SLC44A1: variants seen among roughly 807,000 people sequenced by gnomAD.
The protein encoded by SLC44A1 is choline transporter-like protein 1.
In SLC44A1, 26 loss-of-function variants were observed where a neutral mutation model predicts 79.3. The ratio of observed to expected loss-of-function variants is 0.33; its 90% CI spans 0.24 to 0.46. The LOEUF (loss-of-function observed/expected upper bound fraction) is 0.46. SLC44A1 is among the 20% of genes least tolerant of loss of function. The pLI, the probability that SLC44A1 is intolerant of heterozygous loss-of-function variation, is 1.00. For missense variants in SLC44A1, 688 were observed against 798.1 expected (o/e 0.86, Z 1.66); for synonymous variants, 263 against 286.2 (o/e 0.92, Z 0.82).
chr9:105,430,338 C>T (rs911114001), intron 15 of SLC44A1, among the ~76,000 whole-genome samples: 2 of 152,132 alleles, frequency 1.3e-5, no homozygotes, highest in Admixed American at 1.3e-4. Flanking sequence ...TGGTTTTTGG[C>T]AAATGCACAA....
intron 4 of SLC44A1, among the ~76,000 whole-genome samples, chr9:105,345,283 A>G (rs909738426): frequency 6.6e-6 from 1 of 152,224 alleles, no homozygotes; most frequent in Non-Finnish European, 1.5e-5. Flanking sequence ...TGAATGGTAT[A>G]GGAAAACAGT....
intron 3 of SLC44A1, 134 bp downstream of exon 3, chr9:105,310,000 A>AT (rs967296371): frequency 6.8e-5 from 61 of 897,884 alleles, no homozygotes; most frequent in African/African-American, 6.2e-4. Flanking sequence ...GGTGTGTTTG[A>AT]TTTTTTTTCA....
intron 3 of SLC44A1, among the ~76,000 whole-genome samples, chr9:105,310,219 G>A (rs553900660): frequency 6.6e-6 from 1 of 151,780 alleles, no homozygotes; most frequent in Admixed American, 6.6e-5. Context: ...CTAAGATTAT[G>A]CTTAATGGGA....
intron 1 of SLC44A1, among the ~76,000 whole-genome samples, chr9:105,277,992 A>G (rs964904742): frequency 6.6e-6 from 1 of 152,146 alleles, no homozygotes; most frequent in Non-Finnish European, 1.5e-5. Flanking sequence ...TTGGATAAAA[A>G]TTGAAAAGCT....
intron 15 of SLC44A1, among the ~76,000 whole-genome samples, chr9:105,403,525 C>T (rs1041771492): frequency 2.6e-4 from 40 of 151,518 alleles, no homozygotes; most frequent in African/African-American, 2.2e-4. Context: ...TCATTTATTT[C>T]GGATACATTC....
chr9:105,283,838 A>G (rs1413341061), intron 1 of SLC44A1, among the ~76,000 whole-genome samples: 2 of 152,026 alleles, frequency 1.3e-5, no homozygotes, highest in African/African-American at 2.4e-5. Context: ...CTATTGCTTT[A>G]TTTTTCTGTA....
intron 3 of SLC44A1, among the ~76,000 whole-genome samples, chr9:105,320,615 GCA>G (rs1018474273): frequency 1.3e-5 from 2 of 151,938 alleles, no homozygotes; most frequent in Non-Finnish European, 2.9e-5. Flanking sequence ...TCACTATGTT[GCA>G]CAGTTTGGAG....
At chr9:105,303,483 T>G (rs1830933922) in intron 2 of SLC44A1, among the ~76,000 whole-genome samples, 1 of 152,164 alleles carries the variant, frequency 6.6e-6, no homozygotes, top group Admixed American at 6.5e-5. Context: ...TACAACTTAC[T>G]TACCCTAGTA....
chr9:105,380,104 G>A (rs1270224112), intron 13 of SLC44A1, among the ~76,000 whole-genome samples: 1 of 152,152 alleles, frequency 6.6e-6, no homozygotes, highest in Admixed American at 6.5e-5. Flanking sequence ...CTTTTAGAAT[G>A]CTTATTTTAA....
At chr9:105,420,861 CAAAA>C (rs34053627) in intron 15 of SLC44A1, among the ~76,000 whole-genome samples, 2 of 12,484 alleles carry the variant, frequency 1.6e-4, no homozygotes, top group African/African-American at 4.3e-4. Flanking sequence ...AACTCCATCT[CAAAA>C]AAAAAAAAAA....
chr9:105,276,654 A>T (rs1192501783), intron 1 of SLC44A1, among the ~76,000 whole-genome samples: 1 of 147,632 alleles, frequency 6.8e-6, no homozygotes, highest in Non-Finnish European at 1.5e-5. Context: ...TTGTCACGAA[A>T]AGCCTCACTG....
At chr9:105,340,851 A>G (rs1588801876) in intron 4 of SLC44A1, among the ~76,000 whole-genome samples, 1 of 152,278 alleles carries the variant, frequency 6.6e-6, no homozygotes, top group East Asian at 1.9e-4. Context: ...CAAATAAATT[A>G]TTTCCTCAAA....
intron 1 of SLC44A1, among the ~76,000 whole-genome samples, chr9:105,278,138 T>G (rs328005): frequency 0.13 from 20,075 of 151,974 alleles, 1,679 homozygotes; most frequent in African/African-American, 0.23. Flanking sequence ...CTCCACTCAC[T>G]GCAACCTCTG....
At chr9:105,271,874 A>G (rs1314380297) in intron 1 of SLC44A1, among the ~76,000 whole-genome samples, 2 of 152,184 alleles carry the variant, frequency 1.3e-5, no homozygotes, top group Non-Finnish European at 2.9e-5. Flanking sequence ...TCGACCTCCC[A>G]AAGTGCTGGG....
intron 13 of SLC44A1, 63 bp from the exon 14 acceptor site, chr9:105,383,060 G>A (rs1039466096): frequency 2.9e-5 from 33 of 1,145,054 alleles, no homozygotes; most frequent in Non-Finnish European, 4.0e-5. Context: ...TCTGCAAATG[G>A]TGAAAAAAGA....
chr9:105,364,800 TGG>T, intron 10 of SLC44A1, 80 bp downstream of exon 10: 1 of 1,084,448 alleles, frequency 9.2e-7, no homozygotes, highest in East Asian at 2.4e-5. Context: ...GGAATCAGAC[TGG>T]GGCTGGCAGG....
chr9:105,287,156 A>G (rs1830497770), intron 1 of SLC44A1, among the ~76,000 whole-genome samples: 1 of 152,180 alleles, frequency 6.6e-6, no homozygotes, highest in Non-Finnish European at 1.5e-5. Flanking sequence ...GGTTGATTAC[A>G]GGTTTCAGAA....
At chr9:105,292,531 A>C (rs930624662) in intron 1 of SLC44A1, among the ~76,000 whole-genome samples, 1 of 152,168 alleles carries the variant, frequency 6.6e-6, no homozygotes, top group Non-Finnish European at 1.5e-5. Flanking sequence ...CTTATTTAGC[A>C]GTCAATATTT....
intron 4 of SLC44A1, among the ~76,000 whole-genome samples, chr9:105,340,520 T>A (rs1171376885): frequency 6.6e-6 from 1 of 152,214 alleles, no homozygotes; most frequent in African/African-American, 2.4e-5. Context: ...TACAAATGAT[T>A]AAGATAGTAA....
Sources: gnomAD v4.1 joint callset for allele counts (sites outside exome capture counted in the v4.1 genomes callset) on GRCh38, gnomAD v4.1.1 for gene constraint, MANE v1.5 for transcripts, NCBI Gene and HGNC (gene_info 2026-07-23, HGNC 2026-07-21) for gene names.